KANK1: variants seen among roughly 807,000 people sequenced by gnomAD.
KANK1 encodes KN motif and ankyrin repeat domain-containing protein 1.
A neutral mutation model predicts 106.2 loss-of-function variants in KANK1; 109 were observed. That is an observed-to-expected ratio of 1.03 (90% confidence interval 0.88 to 1.20). The LOEUF (loss-of-function observed/expected upper bound fraction) is 1.20, where lower values mean the gene tolerates loss of function less well. KANK1 is among the 50% of genes most tolerant of loss of function. KANK1 has a pLI of 0.00. For synonymous variants in KANK1, 873 were observed against 652.2 expected, an observed-to-expected ratio of 1.34 and a Z score of -5.16; for missense variants, 2,399 against 1,710.7, an observed-to-expected ratio of 1.40 and a Z score of -7.10.
intron 3 of KANK1, among the ~76,000 whole-genome samples, chr9:490,094 G>A (rs2058353505): frequency 6.6e-6 from 1 of 152,182 alleles, no homozygotes; most frequent in Non-Finnish European, 1.5e-5. Context: ...CTATTACTTG[G>A]CCAGCGGAAA....
At chr9:673,087 C>G (rs888599966) in intron 1 of KANK1, among the ~76,000 whole-genome samples, 1 of 151,634 alleles carries the variant, frequency 6.6e-6, no homozygotes, top group African/African-American at 2.4e-5. Flanking sequence ...TGAGCACTCA[C>G]AATTTGAGGC....
chr9:666,261 A>T (rs939291763), intron 1 of KANK1, among the ~76,000 whole-genome samples: 1 of 152,000 alleles, frequency 6.6e-6, no homozygotes, highest in East Asian at 1.9e-4. Context: ...TCTTTTTCAG[A>T]TTGTTCACTA....
intron 10 of KANK1, 29 bp from the exon 11 acceptor site, chr9:744,462 A>G (rs886622798): frequency 3.1e-6 from 5 of 1,601,084 alleles, no homozygotes; most frequent in Middle Eastern, 1.7e-4. Flanking sequence ...GAAACCCAAC[A>G]TGGCTTGTTC....
chr9:573,393 C>T (rs1456032007), intron 1 of KANK1, among the ~76,000 whole-genome samples: 3 of 152,048 alleles, frequency 2.0e-5, no homozygotes, highest in Non-Finnish European at 4.4e-5. Flanking sequence ...CCTCAGCTTC[C>T]CGAGTAGCTG....
intron 3 of KANK1, among the ~76,000 whole-genome samples, chr9:473,525 T>C (rs914808734): frequency 2.0e-5 from 3 of 152,194 alleles, no homozygotes; most frequent in Non-Finnish European, 4.4e-5. Context: ...CCTAGAGTTA[T>C]CCTACAATGA....
At chr9:670,645 T>A (rs1845662290) in intron 1 of KANK1, among the ~76,000 whole-genome samples, 1 of 152,090 alleles carries the variant, frequency 6.6e-6, no homozygotes, top group Non-Finnish European at 1.5e-5. Context: ...GCGTCTCCTT[T>A]GGTTGAGTTA....
intron 2 of KANK1, among the ~76,000 whole-genome samples, chr9:677,967 A>G (rs1816735298): frequency 1.3e-5 from 2 of 152,206 alleles, no homozygotes; most frequent in African/African-American, 4.8e-5. Context: ...CACCAGAAAC[A>G]TACTTAGAGG....
At position 647,904 on chromosome 9, in the gene KANK1, C is replaced by T. The variant is rs1356059763; in HGVS notation, c.-83-28986C>T. ...AAATCAGGTAGAACACTAAAGGACC[C>T]GGTTGACCCAGTACATTGCAACCCT... is the stretch of plus-strand genomic sequence containing the variant. On this transcript the variant is annotated intron_variant, in intron 1 of 11. Coordinates refer to ENST00000382297, the MANE Select transcript of KANK1 (RefSeq NM_015158.5). Among the ~76,000 whole-genome samples the T allele has an allele frequency of 4.7e-5, 7 of 150,372 alleles. No homozygotes were observed. The South Asian group carries it at 6.2e-4, about 13-fold the overall frequency.
At chr9:618,012 C>T (rs1832251249) in intron 1 of KANK1, among the ~76,000 whole-genome samples, 1 of 152,130 alleles carries the variant, frequency 6.6e-6, no homozygotes, top group South Asian at 2.1e-4. Flanking sequence ...ATCAGTTTGG[C>T]CTACCTGCCT....
intron 1 of KANK1, among the ~76,000 whole-genome samples, chr9:588,661 T>C (rs980785978): frequency 6.6e-6 from 1 of 152,192 alleles, no homozygotes. Flanking sequence ...CCTCTAATGC[T>C]GTAGTAGTCA....
chr9:605,428 G>C (rs760444792), intron 1 of KANK1, among the ~76,000 whole-genome samples: 2 of 151,742 alleles, frequency 1.3e-5, no homozygotes, highest in Admixed American at 6.6e-5. Context: ...AACAGGCAGA[G>C]AGCATCAGGA....
chr9:669,965 G>A (rs1336358293), intron 1 of KANK1, among the ~76,000 whole-genome samples: 1 of 152,088 alleles, frequency 6.6e-6, no homozygotes. Flanking sequence ...CAAAGAGCCT[G>A]TCTTTGGGCT....
At chr9:598,759 T>G (rs1310234983) in intron 1 of KANK1, among the ~76,000 whole-genome samples, 1 of 147,344 alleles carries the variant, frequency 6.8e-6, no homozygotes, top group Non-Finnish European at 1.5e-5. Context: ...GCCTCCTGAG[T>G]AGCTGAGATT....
chr9:481,742 C>T (rs1227240399), intron 3 of KANK1, among the ~76,000 whole-genome samples: 1 of 151,934 alleles, frequency 6.6e-6, no homozygotes, highest in East Asian at 1.9e-4. Flanking sequence ...ACACCTCGAT[C>T]TCTACTCGGG....
chr9:686,662 A>G (rs939295844), intron 2 of KANK1: 1 of 698,912 alleles, frequency 1.4e-6, no homozygotes, highest in African/African-American at 2.0e-5. Flanking sequence ...ACAGCTTCCA[A>G]GTCTGCCCCA....
At chr9:482,727 A>C (rs550344657) in intron 3 of KANK1, among the ~76,000 whole-genome samples, 41 of 152,348 alleles carry the variant, frequency 2.7e-4, no homozygotes, top group Non-Finnish European at 5.9e-4. Flanking sequence ...CATTGGATGT[A>C]AGCAGCTGCC....
chr9:506,281 G>A (rs1341299235), intron 1 of KANK1, among the ~76,000 whole-genome samples: 2 of 152,254 alleles, frequency 1.3e-5, no homozygotes, highest in Non-Finnish European at 1.5e-5. Context: ...TCTGTTACTA[G>A]GTTTGGGGAA....
chr9:650,954 G>C (rs182800091), intron 1 of KANK1, among the ~76,000 whole-genome samples: 3 of 152,194 alleles, frequency 2.0e-5, no homozygotes, highest in Admixed American at 2.0e-4. Flanking sequence ...TCCTGCTTCT[G>C]TCAAAGGAAA....
chr9:609,715 T>C (rs1830140903), intron 1 of KANK1, among the ~76,000 whole-genome samples: 1 of 152,206 alleles, frequency 6.6e-6, no homozygotes, highest in Non-Finnish European at 1.5e-5. Context: ...AATCTATTGG[T>C]ACTTCTTTTA....
Sources: gnomAD v4.1 joint callset for allele counts (sites outside exome capture counted in the v4.1 genomes callset) on GRCh38, gnomAD v4.1.1 for gene constraint, MANE v1.5 for transcripts, NCBI Gene and HGNC (gene_info 2026-07-23, HGNC 2026-07-21) for gene names.